The following RPS6KC1 variants were observed in gnomAD, a reference collection of about 807,000 sequenced individuals.
RPS6KC1 encodes the protein ribosomal protein S6 kinase C1.
In RPS6KC1, 54 loss-of-function variants were observed where a neutral mutation model predicts 103.8. The observed-to-expected ratio is 0.52, with a 90% CI of 0.42 to 0.65. RPS6KC1 has a LOEUF of 0.65. Among genes scored for constraint, RPS6KC1 ranks in the 30% least tolerant of loss-of-function variants. RPS6KC1 has a pLI of 0.00. For missense variants in RPS6KC1, 1,151 were observed against 1,253.8 expected (o/e 0.92, Z 1.24); for synonymous variants, 439 against 438.7 (o/e 1.00, Z -0.01).
At chr1:213,492,379 C>G in the RPS6KC1 span, 1 of 152,246 alleles carries the variant, frequency 6.6e-6, no homozygotes, top group Non-Finnish European at 1.5e-5. Flanking sequence ...TGAGAAGCAG[C>G]TTTGTTTAGC....
At chr1:213,575,988 G>A in the RPS6KC1 span, among the ~76,000 whole-genome samples, 1 of 152,120 alleles carries the variant, frequency 6.6e-6, no homozygotes, top group African/African-American at 2.4e-5. Flanking sequence ...TAAAATGGGG[G>A]TTGTTTGACC....
the RPS6KC1 span, among the ~76,000 whole-genome samples, chr1:213,433,460 T>C: frequency 6.6e-6 from 1 of 152,248 alleles, no homozygotes; most frequent in African/African-American, 2.4e-5. Context: ...TTTTGCCTAT[T>C]CTAAATTGTT....
chr1:213,343,440 T>TATACACAC, the RPS6KC1 span, among the ~76,000 whole-genome samples: 17 of 80,382 alleles, frequency 2.1e-4, 2 homozygotes, highest in South Asian at 4.1e-4. Context: ...TATATATATA[T>TATACACAC]ACATACCATG....
intron 1 of RPS6KC1, among the ~76,000 whole-genome samples, chr1:213,065,746 A>G (rs894997910): frequency 2.0e-5 from 3 of 152,238 alleles, no homozygotes; most frequent in African/African-American, 7.2e-5. Context: ...GTACTGCAGT[A>G]CCTGGCAGCA....
At chr1:213,750,647 T>A in the RPS6KC1 span, among the ~76,000 whole-genome samples, 2 of 152,178 alleles carry the variant, frequency 1.3e-5, no homozygotes, top group Non-Finnish European at 2.9e-5. Context: ...AGCTCTCTCT[T>A]GAACCTGTTG....
chr1:213,704,662 T>G, the RPS6KC1 span, among the ~76,000 whole-genome samples: 1 of 152,364 alleles, frequency 6.6e-6, no homozygotes, highest in East Asian at 1.9e-4. Context: ...GAGATCGTGT[T>G]TTCCTAGATG....
chr1:213,519,428 G>A, the RPS6KC1 span, among the ~76,000 whole-genome samples: 2 of 152,130 alleles, frequency 1.3e-5, no homozygotes, highest in South Asian at 2.1e-4. Context: ...TTCACTGGGG[G>A]GAAAAGATAA....
chr1:213,826,797 A>G, the RPS6KC1 span, among the ~76,000 whole-genome samples: 4 of 152,222 alleles, frequency 2.6e-5, no homozygotes, highest in South Asian at 8.3e-4. Context: ...ATTATTCTCT[A>G]CCTATAATAA....
the RPS6KC1 span, among the ~76,000 whole-genome samples, chr1:213,619,845 T>C: frequency 2.6e-5 from 4 of 152,040 alleles, no homozygotes; most frequent in African/African-American, 9.7e-5. Context: ...GGTAAAAGAA[T>C]CTGAAAAATA....
chr1:213,555,192 A>G, the RPS6KC1 span, among the ~76,000 whole-genome samples: 1 of 152,224 alleles, frequency 6.6e-6, no homozygotes, highest in Non-Finnish European at 1.5e-5. Context: ...AAAGGCTACT[A>G]CAAAGAACGA....
At chr1:213,237,982 T>G (rs75786758) in intron 10 of RPS6KC1, among the ~76,000 whole-genome samples, 3,320 of 152,212 alleles carry the variant, frequency 0.022, 118 homozygotes, top group African/African-American at 0.076. Context: ...TAGATTCTTT[T>G]CCTTGAAAGG....
the RPS6KC1 span, among the ~76,000 whole-genome samples, chr1:213,752,196 G>A: frequency 0.16 from 24,331 of 152,000 alleles, 2,464 homozygotes; most frequent in African/African-American, 0.29. Context: ...AGGTTCTGTT[G>A]GGACCATCTT....
chr1:213,147,859 CTT>C (rs2088068637), intron 6 of RPS6KC1, among the ~76,000 whole-genome samples: 1 of 152,024 alleles, frequency 6.6e-6, no homozygotes, highest in Non-Finnish European at 1.5e-5. Context: ...TTGATGTCCT[CTT>C]CAGTTTTTTT....
the RPS6KC1 span, among the ~76,000 whole-genome samples, chr1:213,553,545 A>G: frequency 6.6e-6 from 1 of 152,194 alleles, no homozygotes; most frequent in Non-Finnish European, 1.5e-5. Context: ...TGCTGGATCA[A>G]ATAGTACTTC....
the RPS6KC1 span, among the ~76,000 whole-genome samples, chr1:213,654,332 A>T: frequency 6.6e-6 from 1 of 152,206 alleles, no homozygotes; most frequent in African/African-American, 2.4e-5. Context: ...CAGGCGTTCA[A>T]CTTGTCAAGT....
At chr1:213,572,229 G>A in the RPS6KC1 span, among the ~76,000 whole-genome samples, 1 of 152,204 alleles carries the variant, frequency 6.6e-6, no homozygotes, top group Non-Finnish European at 1.5e-5. Context: ...CTGGAGCTGT[G>A]ATTCCATTGC....
At chr1:213,397,197 G>A in the RPS6KC1 span, among the ~76,000 whole-genome samples, 1 of 152,100 alleles carries the variant, frequency 6.6e-6, no homozygotes, top group Non-Finnish European at 1.5e-5. Context: ...TAAGCACGTG[G>A]AAGCCCATTG....
chr1:213,239,576 T>C (rs1050155100), intron 10 of RPS6KC1, among the ~76,000 whole-genome samples: 1 of 152,180 alleles, frequency 6.6e-6, no homozygotes, highest in Admixed American at 6.6e-5. Context: ...CAATTGACTG[T>C]CAGTGGTTAT....
At chr1:213,561,953 G>A in the RPS6KC1 span, among the ~76,000 whole-genome samples, 1 of 152,160 alleles carries the variant, frequency 6.6e-6, no homozygotes, top group South Asian at 2.1e-4. Context: ...GTAGGGTCAA[G>A]GTTGCACTTT....
Sources: gnomAD v4.1 joint callset for allele counts (sites outside exome capture counted in the v4.1 genomes callset) on GRCh38, gnomAD v4.1.1 for gene constraint, MANE v1.5 for transcripts, NCBI Gene and HGNC (gene_info 2026-07-23, HGNC 2026-07-21) for gene names.